Variants in KCNIP4 observed in about 807,000 individuals in gnomAD.
KCNIP4 encodes potassium voltage-gated channel interacting protein 4.
In KCNIP4, 12 loss-of-function variants were observed where a neutral mutation model predicts 34.0. The observed-to-expected ratio is 0.35, with a 90% CI of 0.23 to 0.57. The LOEUF (loss-of-function observed/expected upper bound fraction) is 0.57, where lower values mean the gene tolerates loss of function less well. Ranked by LOEUF, KCNIP4 falls within the 20% of genes least tolerant of loss-of-function variation. The pLI is 0.83. For synonymous variants in KCNIP4, 124 were observed against 102.2 expected, an observed-to-expected ratio of 1.21 and a Z score of -1.29; for missense variants, 238 against 311.7, an observed-to-expected ratio of 0.76 and a Z score of 1.78.
chr4:21,542,131 T>A (rs1424032273), intron 1 of KCNIP4, among the ~76,000 whole-genome samples: 1 of 152,210 alleles, frequency 6.6e-6, no homozygotes. Context: ...TAGCTTTTTA[T>A]GTACAGTCAG....
intron 1 of KCNIP4, among the ~76,000 whole-genome samples, chr4:21,139,645 G>A (rs987699082): frequency 4.6e-5 from 7 of 152,116 alleles, no homozygotes; most frequent in African/African-American, 1.2e-4. Context: ...CTAAAGGAAC[G>A]TTCTAGCCTT....
rs190320864 is a variant in KCNIP4, at chr4:21,154,088, T to C, written c.62-271379A>G. ...ATGATGAATTGCATCATCTCCATTATTCTTCGAATTTATTGCAATCAAGTT... is the reference window on the plus strand; with the variant it reads ...ATGATGAATTGCATCATCTCCATTACTCTTCGAATTTATTGCAATCAAGTT... On this transcript the variant is annotated intron_variant, in intron 1 of 8. Coordinates refer to ENST00000382152, the MANE Select transcript of KCNIP4 (RefSeq NM_025221.6). Among the ~76,000 whole-genome samples the C allele has an allele frequency of 2.8e-3, 421 of 152,342 alleles. 6 individuals are homozygous for C. The highest frequency in any genetic ancestry group is 9.6e-3 in the African/African-American group (400 of 41,594).
intron 3 of KCNIP4, among the ~76,000 whole-genome samples, chr4:20,820,938 C>T (rs1717028825): frequency 2.6e-5 from 4 of 152,194 alleles, no homozygotes; most frequent in Admixed American, 6.5e-5. Flanking sequence ...ACTGCTGGTG[C>T]ACAGAGTGCC....
chr4:21,941,896 G>A (rs1442896402), intron 1 of KCNIP4, among the ~76,000 whole-genome samples: 2 of 152,134 alleles, frequency 1.3e-5, no homozygotes, highest in Admixed American at 6.5e-5. Flanking sequence ...AGTGTGTGAA[G>A]AGCTTTTATG....
chr4:21,633,351 A>G (rs1745895945), intron 1 of KCNIP4, among the ~76,000 whole-genome samples: 1 of 152,098 alleles, frequency 6.6e-6, no homozygotes, highest in African/African-American at 2.4e-5. Flanking sequence ...TGGCCATAAA[A>G]CCCAGTTCTA....
At chr4:20,954,369 C>T (rs1733084147) in intron 1 of KCNIP4, among the ~76,000 whole-genome samples, 1 of 152,142 alleles carries the variant, frequency 6.6e-6, no homozygotes, top group Non-Finnish European at 1.5e-5. Flanking sequence ...GCAAAGTGAA[C>T]ATTACATTAG....
chr4:21,593,161 A>G (rs1165677959), intron 1 of KCNIP4, among the ~76,000 whole-genome samples: 1 of 148,000 alleles, frequency 6.8e-6, no homozygotes, highest in Non-Finnish European at 1.5e-5. Context: ...TAACAGAGTG[A>G]AAAAAAAAAG....
At chr4:21,644,043 C>G (rs1468602853) in intron 1 of KCNIP4, among the ~76,000 whole-genome samples, 1 of 150,964 alleles carries the variant, frequency 6.6e-6, no homozygotes, top group Non-Finnish European at 1.5e-5. Context: ...AAAAGAAAAG[C>G]CTTCTAAGTT....
chr4:21,024,416 G>A (rs915082718), intron 1 of KCNIP4, among the ~76,000 whole-genome samples: 6 of 152,124 alleles, frequency 3.9e-5, no homozygotes, highest in African/African-American at 1.2e-4. Context: ...ATTATATTTA[G>A]TACCATGTTT....
intron 1 of KCNIP4, among the ~76,000 whole-genome samples, chr4:21,190,624 G>T (rs1755569386): frequency 1.3e-5 from 2 of 152,124 alleles, no homozygotes; most frequent in African/African-American, 4.8e-5. Flanking sequence ...AACTAGAAAG[G>T]TTAGCAAACA....
chr4:21,033,456 A>ATC (rs1172933600), intron 1 of KCNIP4, among the ~76,000 whole-genome samples: 1 of 152,210 alleles, frequency 6.6e-6, no homozygotes, highest in African/African-American at 2.4e-5. Context: ...ATAAAAGGAA[A>ATC]CCTTTAGTAA....
chr4:20,831,884 T>C (rs1718469030), intron 3 of KCNIP4, among the ~76,000 whole-genome samples: 1 of 152,202 alleles, frequency 6.6e-6, no homozygotes, highest in African/African-American at 2.4e-5. Flanking sequence ...CTGCTATTAT[T>C]AATAGTTCCA....
At chr4:20,865,185 C>G (rs1243439576) in intron 2 of KCNIP4, among the ~76,000 whole-genome samples, 2 of 152,016 alleles carry the variant, frequency 1.3e-5, no homozygotes, top group Non-Finnish European at 2.9e-5. Context: ...AGGACTTAAA[C>G]CCAAGCTTAC....
chr4:21,887,471 GA>G (rs1726846785), intron 1 of KCNIP4, among the ~76,000 whole-genome samples: 1 of 152,140 alleles, frequency 6.6e-6, no homozygotes, highest in East Asian at 1.9e-4. Context: ...TCACATTTGG[GA>G]TTCGATTTCA....
At chr4:21,811,786 A>G (rs12503736) in intron 1 of KCNIP4, among the ~76,000 whole-genome samples, 58,120 of 152,094 alleles carry the variant, frequency 0.38, 12,676 homozygotes, top group Non-Finnish European at 0.51. Context: ...ATGATGCTTG[A>G]CAGAATTTAA....
At chr4:21,497,467 T>C (rs28594450) in intron 1 of KCNIP4, among the ~76,000 whole-genome samples, 5,767 of 152,270 alleles carry the variant, frequency 0.038, 330 homozygotes, top group African/African-American at 0.12. Context: ...CTTCACATGA[T>C]GAACTCCTAC....
chr4:21,230,713 A>G (rs573728305), intron 1 of KCNIP4, among the ~76,000 whole-genome samples: 15 of 152,270 alleles, frequency 9.9e-5, no homozygotes, highest in African/African-American at 3.6e-4. Flanking sequence ...TTATGGCTGC[A>G]TAGTATTCCA....
At chr4:21,712,073 C>A (rs902853308) in intron 1 of KCNIP4, among the ~76,000 whole-genome samples, 2 of 152,060 alleles carry the variant, frequency 1.3e-5, no homozygotes, top group Admixed American at 6.6e-5. Context: ...TCCAAAAATT[C>A]TCAATTTTCT....
chr4:21,775,158 G>T (rs1719090683), intron 1 of KCNIP4, among the ~76,000 whole-genome samples: 1 of 152,106 alleles, frequency 6.6e-6, no homozygotes, highest in Non-Finnish European at 1.5e-5. Context: ...GGTTGGTGGT[G>T]TTGATGCTGC....
Sources: gnomAD v4.1 joint callset for allele counts (sites outside exome capture counted in the v4.1 genomes callset) on GRCh38, gnomAD v4.1.1 for gene constraint, MANE v1.5 for transcripts, NCBI Gene and HGNC (gene_info 2026-07-23, HGNC 2026-07-21) for gene names.